Variants in RAP1GAP2 observed in about 807,000 individuals in gnomAD.
The protein encoded by RAP1GAP2 is RAP1 GTPase activating protein 2, also known as rap1 GTPase-activating protein 2.
Under a neutral mutation model 95.0 loss-of-function variants are expected in RAP1GAP2, and 27 were observed. The observed-to-expected ratio is 0.28, with a 90% CI of 0.21 to 0.39. The LOEUF (loss-of-function observed/expected upper bound fraction) is 0.39. RAP1GAP2 is among the 10% of genes least tolerant of loss of function. The pLI, the probability that RAP1GAP2 is intolerant of heterozygous loss-of-function variation, is 1.00. For synonymous variants in RAP1GAP2, 373 were observed against 380.9 expected, an observed-to-expected ratio of 0.98 and a Z score of 0.24; for missense variants, 771 against 970.0, an observed-to-expected ratio of 0.79 and a Z score of 2.72.
At chr17:3,012,996 C>T (rs2046614378) in intron 17 of RAP1GAP2, among the ~76,000 whole-genome samples, 1 of 152,244 alleles carries the variant, frequency 6.6e-6, no homozygotes, top group Admixed American at 6.5e-5. Context: ...CAGCCCTCCA[C>T]TGACCTCATC....
Position 2,857,910 on chromosome 17 carries a change from G to A in RAP1GAP2, c.81-47374G>A, listed in dbSNP as rs1416709708. ...AGGTCAGGAGTTGAAAACCACCCTG[G>A]CCAACATGGCAAAAACCCATCTCTA... On this transcript the variant is annotated intron_variant, in intron 2 of 24. Coordinates refer to ENST00000254695, the MANE Select transcript of RAP1GAP2 (RefSeq NM_015085.5). The surrounding 1 kb of genome is among the most constrained non-coding windows in gnomAD (Gnocchi z 4.0). Among the ~76,000 whole-genome samples the A allele has an allele frequency of 6.6e-6, 1 of 152,164 alleles. No homozygotes were observed. Among genetic ancestry groups the A allele is most frequent in the Non-Finnish European group, 1.5e-5 (1 of 68,034 alleles).
At chr17:2,961,949 C>G (rs941161211) in intron 4 of RAP1GAP2, among the ~76,000 whole-genome samples, 3 of 143,048 alleles carry the variant, frequency 2.1e-5, no homozygotes, top group African/African-American at 5.2e-5. Flanking sequence ...GTTGCCCAGG[C>G]TGAAGTGCAA....
At chr17:2,762,397 C>CTTTTTTTTTTTT (rs71150894) in intron 1 of RAP1GAP2, among the ~76,000 whole-genome samples, 2 of 124,208 alleles carry the variant, frequency 1.6e-5, no homozygotes, top group Admixed American at 8.4e-5. Flanking sequence ...TTTTTTCTTT[C>CTTTTTTTTTTTT]TTTTTTTTTT....
rs559576431 is a variant in RAP1GAP2, at chr17:3,008,533, C to T, written c.1494+388C>T. Among the ~76,000 whole-genome samples the T allele has an allele frequency of 1.4e-4, 21 of 152,316 alleles. No homozygotes were observed. The South Asian group carries it at 4.3e-3, about 32-fold the overall frequency. On this transcript the variant is annotated intron_variant, in intron 17 of 24. Transcript: ENST00000254695. The surrounding 1 kb of genome is among the most constrained non-coding windows in gnomAD (Gnocchi z 4.2). ...AATGGCAGGAGCGAGGACCACAGCC[C>T]TTACGGGTCTTCGTAGCTGCTGTGG...
intron 17 of RAP1GAP2, among the ~76,000 whole-genome samples, chr17:3,012,001 T>G (rs2046563774): frequency 6.6e-6 from 1 of 152,132 alleles, no homozygotes; most frequent in Non-Finnish European, 1.5e-5. Flanking sequence ...CCATCCATCC[T>G]TGCCCCTGGT....
At chr17:2,838,260 C>T (rs550523147) in intron 2 of RAP1GAP2, among the ~76,000 whole-genome samples, 15 of 148,878 alleles carry the variant, frequency 1.0e-4, no homozygotes, top group African/African-American at 2.0e-4. Context: ...TCTTGTGATC[C>T]GCCCGCCTCG....
intron 2 of RAP1GAP2, among the ~76,000 whole-genome samples, chr17:2,890,286 T>C (rs2151693855): frequency 6.6e-6 from 1 of 152,296 alleles, no homozygotes; most frequent in African/African-American, 2.4e-5. Flanking sequence ...TTATAGTAAT[T>C]GAATAGACCA....
chr17:2,903,918 T>C lies in RAP1GAP2; in HGVS notation c.81-1366T>C, dbSNP rs1313669738. 6.6e-6 allele frequency among the ~76,000 whole-genome samples: 1 copy of C among 151,998 alleles called. No homozygotes were observed. On this transcript the variant is annotated intron_variant, in intron 2 of 24. Coordinates refer to ENST00000254695, the MANE Select transcript of RAP1GAP2 (RefSeq NM_015085.5). This position sits in a 1 kb window ranked among gnomAD's most constrained non-coding sequence, Gnocchi z 4.1. ...GGCTGGGCTCTGTAGGGAGGGTGGGTTTCTGTCATGAAGAAGGTGTGGGGT... is the reference window on the plus strand; with the variant it reads ...GGCTGGGCTCTGTAGGGAGGGTGGGCTTCTGTCATGAAGAAGGTGTGGGGT...
chr17:2,878,493 C>G lies in RAP1GAP2; in HGVS notation c.81-26791C>G, dbSNP rs2317458. ...CTGTCTGTATGCCGTATCGCTGACTCGAAAGGTGCATCACCTAGGCAAGGG... is the reference window on the plus strand; with the variant it reads ...CTGTCTGTATGCCGTATCGCTGACTGGAAAGGTGCATCACCTAGGCAAGGG... On this transcript the variant is annotated intron_variant, in intron 2 of 24. Transcript: ENST00000254695. Among the ~76,000 whole-genome samples the G allele has an allele frequency of 4.5e-4, 69 of 152,240 alleles. No homozygotes were observed. The East Asian group carries it at 0.013, about 29-fold the overall frequency.
At chr17:2,798,921 C>A (rs913730997) in intron 1 of RAP1GAP2, among the ~76,000 whole-genome samples, 1 of 152,206 alleles carries the variant, frequency 6.6e-6, no homozygotes, top group African/African-American at 2.4e-5. Context: ...GCACCAGGAG[C>A]CCCGGTTCCA....
At chr17:2,853,103 G>A (rs1397090285) in intron 2 of RAP1GAP2, among the ~76,000 whole-genome samples, 1 of 152,140 alleles carries the variant, frequency 6.6e-6, no homozygotes, top group African/African-American at 2.4e-5. Flanking sequence ...GGGAGAGCCA[G>A]TGTTCGCGGG....
chr17:2,863,231 TCTC>T (rs1195536515), intron 2 of RAP1GAP2, among the ~76,000 whole-genome samples: 2 of 152,058 alleles, frequency 1.3e-5, no homozygotes, highest in Non-Finnish European at 2.9e-5. Context: ...AACCTTCCCT[TCTC>T]CTTCCAGGCA....
intron 3 of RAP1GAP2, among the ~76,000 whole-genome samples, chr17:2,939,686 G>A (rs1454140778): frequency 1.3e-5 from 2 of 152,208 alleles, no homozygotes; most frequent in African/African-American, 2.4e-5. Context: ...ACTCACTCAG[G>A]GCAGGGATGG....
intron 2 of RAP1GAP2, among the ~76,000 whole-genome samples, chr17:2,850,214 A>G (rs2071775815): frequency 6.7e-6 from 1 of 149,974 alleles, no homozygotes; most frequent in South Asian, 2.1e-4. Flanking sequence ...GTTAGCCAGG[A>G]TGGTCTCGAT....
rs576443052 is a variant in RAP1GAP2, at chr17:3,019,167, T to C, written c.1632+969T>C. ...ATGTGTACAGTTCCCAAGGGAAGGGTCCTGCAGGCCTGTGAGTTTGGGCCT... is the reference window on the plus strand; with the variant it reads ...ATGTGTACAGTTCCCAAGGGAAGGGCCCTGCAGGCCTGTGAGTTTGGGCCT... On this transcript the variant is annotated intron_variant, in intron 18 of 24. Coordinates refer to ENST00000254695, the MANE Select transcript of RAP1GAP2 (RefSeq NM_015085.5). 1.3e-5 allele frequency among the ~76,000 whole-genome samples: 2 copies of C among 152,036 alleles called. 1 individual carries two copies. The highest frequency in any genetic ancestry group is 4.1e-4 in the South Asian group (2 of 4,820).
At chr17:2,982,963 C>T (rs2045422368) in intron 10 of RAP1GAP2, among the ~76,000 whole-genome samples, 2 of 152,234 alleles carry the variant, frequency 1.3e-5, no homozygotes, top group Non-Finnish European at 2.9e-5. Flanking sequence ...GGACGTTCTC[C>T]ATGGCCTGGT....
chr17:2,844,144 C>G (rs1214944077), intron 2 of RAP1GAP2, among the ~76,000 whole-genome samples: 1 of 151,964 alleles, frequency 6.6e-6, no homozygotes, highest in Non-Finnish European at 1.5e-5. Flanking sequence ...CCTCAGCCTC[C>G]GGAGTAGCTG....
intron 2 of RAP1GAP2, among the ~76,000 whole-genome samples, chr17:2,848,145 A>G (rs1214070780): frequency 6.6e-6 from 1 of 152,134 alleles, no homozygotes; most frequent in Non-Finnish European, 1.5e-5. Flanking sequence ...TCTGGGTACC[A>G]GAGCGCAGGG....
At chr17:2,808,531 G>C (rs1166902876) in intron 2 of RAP1GAP2, among the ~76,000 whole-genome samples, 2 of 152,200 alleles carry the variant, frequency 1.3e-5, no homozygotes, top group African/African-American at 2.4e-5. Flanking sequence ...GGCCGTGGGG[G>C]CTGGTCTGCG....
Sources: allele counts gnomAD v4.1 joint callset (sites outside exome capture counted in the v4.1 genomes callset), GRCh38; gene constraint gnomAD v4.1.1; non-coding constraint Gnocchi (gnomAD v3.1); transcripts MANE v1.5; gene names NCBI Gene and HGNC (gene_info 2026-07-23, HGNC 2026-07-21).